NOX4: variants seen among roughly 807,000 people sequenced by gnomAD.
NOX4 encodes NADPH oxidase 4.
Under a neutral mutation model 87.6 loss-of-function variants are expected in NOX4, and 69 were observed. That is an observed-to-expected ratio of 0.79 (90% confidence interval 0.65 to 0.96). The LOEUF is 0.96. Ranked by LOEUF, NOX4 falls within the 40% of genes least tolerant of loss-of-function variation. The pLI is 0.00. For synonymous variants in NOX4, 275 were observed against 238.2 expected, an observed-to-expected ratio of 1.15 and a Z score of -1.42; for missense variants, 680 against 681.5, an observed-to-expected ratio of 1.00 and a Z score of 0.02.
chr11:89,424,595 C>T (rs776237509), intron 7 of NOX4, among the ~76,000 whole-genome samples: 1 of 151,660 alleles, frequency 6.6e-6, no homozygotes, highest in Non-Finnish European at 1.5e-5. Context: ...TTTAATTCTA[C>T]AATGTAAATA....
At chr11:89,425,094 C>A (rs376052446) in intron 7 of NOX4, among the ~76,000 whole-genome samples, 188 of 152,010 alleles carry the variant, frequency 1.2e-3, no homozygotes, top group South Asian at 9.1e-3. Context: ...AAAACTATAC[C>A]TCAAGGATTT....
chr11:89,469,341 G>A (rs899922589), intron 2 of NOX4, among the ~76,000 whole-genome samples: 1 of 151,914 alleles, frequency 6.6e-6, no homozygotes, highest in Non-Finnish European at 1.5e-5. Context: ...CAACAATTAG[G>A]AAAACAAAAT....
the NOX4 span, among the ~76,000 whole-genome samples, chr11:89,586,605 A>C: frequency 2.0e-5 from 3 of 152,184 alleles, no homozygotes; most frequent in Admixed American, 6.6e-5. Context: ...AAGAAGCTGA[A>C]GTTTAGTGGT....
intron 2 of NOX4, among the ~76,000 whole-genome samples, chr11:89,479,024 T>G (rs1368476138): frequency 6.9e-6 from 1 of 144,970 alleles, no homozygotes; most frequent in African/African-American, 2.6e-5. Flanking sequence ...AAAAAAAAAA[T>G]GAAATGTGGC....
chr11:89,552,268 G>A, the NOX4 span, among the ~76,000 whole-genome samples: 1 of 152,140 alleles, frequency 6.6e-6, no homozygotes, highest in Non-Finnish European at 1.5e-5. Flanking sequence ...GAATTCCAAT[G>A]TCAGATCTGG....
At chr11:89,459,193 A>T (rs749050112) in intron 2 of NOX4, among the ~76,000 whole-genome samples, 2 of 152,166 alleles carry the variant, frequency 1.3e-5, no homozygotes, top group Non-Finnish European at 2.9e-5. Flanking sequence ...ATCCTAAAAC[A>T]GAAAACCAAA....
At chr11:89,510,634 C>T in the NOX4 span, among the ~76,000 whole-genome samples, 1 of 151,904 alleles carries the variant, frequency 6.6e-6, no homozygotes, top group Non-Finnish European at 1.5e-5. Flanking sequence ...ATAGCAGACA[C>T]CCATAGTTTA....
In NOX4 at chr11:89,402,466, T is replaced by C. The variant is rs1941922885; in HGVS notation, c.706A>G (p.Asn236Asp). The stretch of plus-strand genomic sequence containing the variant: ...GAGAAATACTCTGGTAAGGAAATAT[T>C]CTGAGAGCTGGTTCGGTTAAGACTG... The part of the protein sequence containing the change: ...CISLNRTSSQ[N>D]ISLPEYFSEH... The change falls in exon 9 of 18, where the codon AAT becomes GAT. Residue 236 changes from asparagine to aspartate, a missense_variant. By Grantham distance (23) the Asn-to-Asp change is conservative. Transcript: ENST00000263317. 6.2e-7 allele frequency: 1 copy of C among 1,612,588 alleles called. No individual in the cohort carries two copies. Among genetic ancestry groups the C allele is most frequent in the African/African-American group, 1.3e-5 (1 of 74,922 alleles).
intron 6 of NOX4, 34 bp from the exon 7 acceptor site, chr11:89,432,890 A>C (rs2135315925): frequency 7.2e-7 from 1 of 1,396,152 alleles, no homozygotes; most frequent in Admixed American, 1.7e-5. Context: ...TTTTTACTTA[A>C]ATCATAGTGA....
the NOX4 span, chr11:89,533,803 T>A: frequency 6.6e-6 from 1 of 152,202 alleles, no homozygotes; most frequent in Admixed American, 6.5e-5. Context: ...AGACTGTTGA[T>A]TCTACACAGC....
the NOX4 span, among the ~76,000 whole-genome samples, chr11:89,518,388 G>T: frequency 1.3e-5 from 2 of 151,470 alleles, no homozygotes; most frequent in Non-Finnish European, 2.9e-5. Flanking sequence ...GGGGGACAAA[G>T]ATGCTACTTG....
In NOX4 at chr11:89,486,774, C is replaced by G. The variant is rs1226691643; in HGVS notation, c.153+3684G>C. On this transcript the variant is annotated intron_variant, in intron 2 of 17. Coordinates refer to ENST00000263317, the MANE Select transcript of NOX4 (RefSeq NM_016931.5). ...AAAGATGGGGTCTCACTTTGTTGCTCTGGCTAGTCTCAAACTCCTGGCTTC... is the reference window on the plus strand; with the variant it reads ...AAAGATGGGGTCTCACTTTGTTGCTGTGGCTAGTCTCAAACTCCTGGCTTC... Among the ~76,000 whole-genome samples, 5 of 150,542 alleles carry G rather than the reference C, an allele frequency of 3.3e-5. No individual in the cohort carries two copies. The Admixed American group carries it at 3.3e-4, about 10-fold the overall frequency.
At chr11:89,342,289 T>A in intron 13 of NOX4, 96 bp from the exon 14 acceptor site, 1 of 1,100,284 alleles carries the variant, frequency 9.1e-7, no homozygotes, top group Non-Finnish European at 1.3e-6. Context: ...AATCTCTAGA[T>A]TTTGTGATGG....
chr11:89,546,267 TAA>T, the NOX4 span, among the ~76,000 whole-genome samples: 1 of 152,166 alleles, frequency 6.6e-6, no homozygotes, highest in East Asian at 1.9e-4. Context: ...TGATAGTAAT[TAA>T]AAAAAGACAT....
chr11:89,515,576 C>A, the NOX4 span, among the ~76,000 whole-genome samples: 1 of 150,614 alleles, frequency 6.6e-6, no homozygotes, highest in African/African-American at 2.4e-5. Context: ...TTTGTAAATC[C>A]CAATTAATTA....
the NOX4 span, among the ~76,000 whole-genome samples, chr11:89,566,903 C>A: frequency 6.6e-6 from 1 of 152,094 alleles, no homozygotes; most frequent in Non-Finnish European, 1.5e-5. Flanking sequence ...CCGTAGGAAT[C>A]CCCGTGACCT....
chr11:89,395,457 T>G (rs1391736316), intron 11 of NOX4, among the ~76,000 whole-genome samples: 1 of 152,222 alleles, frequency 6.6e-6, no homozygotes, highest in Non-Finnish European at 1.5e-5. Flanking sequence ...GTAGGTTGCC[T>G]GTTCACTCTG....
At chr11:89,372,280 G>A (rs1225779281) in intron 12 of NOX4, among the ~76,000 whole-genome samples, 1 of 151,266 alleles carries the variant, frequency 6.6e-6, no homozygotes, top group Non-Finnish European at 1.5e-5. Flanking sequence ...TTTCATCATA[G>A]TGCTTCAAAT....
intron 2 of NOX4, among the ~76,000 whole-genome samples, chr11:89,478,946 G>T (rs565130118): frequency 1.3e-5 from 2 of 151,590 alleles, no homozygotes; most frequent in African/African-American, 4.8e-5. Context: ...CTATGATCAT[G>T]CCTGTGAATA....
Sources: allele counts gnomAD v4.1 joint callset (sites outside exome capture counted in the v4.1 genomes callset), GRCh38; gene constraint gnomAD v4.1.1; transcripts MANE v1.5; gene names NCBI Gene and HGNC (gene_info 2026-07-23, HGNC 2026-07-21).